CCSER1: variants seen among roughly 807,000 people sequenced by gnomAD.
CCSER1 encodes the protein coiled-coil serine rich protein 1.
In CCSER1, 41 loss-of-function variants were observed where a neutral mutation model predicts 82.0. The observed-to-expected ratio is 0.50, with a 90% CI of 0.39 to 0.65. The LOEUF (loss-of-function observed/expected upper bound fraction) is 0.65, where lower values mean the gene tolerates loss of function less well. Ranked by LOEUF, CCSER1 falls within the 30% of genes least tolerant of loss-of-function variation. The pLI, the probability that CCSER1 is intolerant of heterozygous loss-of-function variation, is 0.00. For synonymous variants in CCSER1, 414 were observed against 383.9 expected, an observed-to-expected ratio of 1.08 and a Z score of -0.92; for missense variants, 1,119 against 1,064.2, an observed-to-expected ratio of 1.05 and a Z score of -0.72.
intron 10 of CCSER1, among the ~76,000 whole-genome samples, chr4:91,273,078 G>A (rs7697925): frequency 0.12 from 17,965 of 151,832 alleles, 1,105 homozygotes; most frequent in African/African-American, 0.14. Context: ...GGCTATGCTG[G>A]CTCTTTTTTT....
At chr4:91,379,684 T>G (rs1750720508) in intron 10 of CCSER1, among the ~76,000 whole-genome samples, 1 of 152,174 alleles carries the variant, frequency 6.6e-6, no homozygotes, top group African/African-American at 2.4e-5. Flanking sequence ...TTTGTTGATC[T>G]TTTCAAAAAA....
chr4:90,888,169 A>G (rs1580940446), intron 8 of CCSER1, among the ~76,000 whole-genome samples: 1 of 152,312 alleles, frequency 6.6e-6, no homozygotes, highest in East Asian at 1.9e-4. Context: ...CTTGAAAATA[A>G]CTTAATGCTA....
intron 10 of CCSER1, among the ~76,000 whole-genome samples, chr4:91,327,188 T>C (rs925202548): frequency 2.0e-5 from 3 of 152,188 alleles, no homozygotes. Flanking sequence ...ACTTCCCTAG[T>C]AGAGTTTCTC....
At chr4:91,051,399 G>A (rs1230423749) in intron 9 of CCSER1, among the ~76,000 whole-genome samples, 1 of 152,036 alleles carries the variant, frequency 6.6e-6, no homozygotes, top group Non-Finnish European at 1.5e-5. Flanking sequence ...TGCTATTGGG[G>A]ATGCTTGAAA....
chr4:90,648,317 G>GAAAGAAAGAA, intron 6 of CCSER1, among the ~76,000 whole-genome samples: 1 of 150,914 alleles, frequency 6.6e-6, no homozygotes, highest in East Asian at 1.9e-4. Context: ...AAGAAAGAAA[G>GAAAGAAAGAA]AAAGAAAGAA....
chr4:90,820,324 A>C (rs559972324), intron 8 of CCSER1, among the ~76,000 whole-genome samples: 4 of 152,284 alleles, frequency 2.6e-5, no homozygotes, highest in Non-Finnish European at 4.4e-5. Context: ...AGACTGGATA[A>C]TTTATGGTAA....
chr4:90,703,801 CT>C (rs1738695855), intron 6 of CCSER1, among the ~76,000 whole-genome samples: 1 of 151,906 alleles, frequency 6.6e-6, no homozygotes, highest in Admixed American at 6.6e-5. Context: ...GCAACCCCCA[CT>C]TTTTTTTGTT....
intron 10 of CCSER1, among the ~76,000 whole-genome samples, chr4:91,154,932 A>C (rs1007237409): frequency 6.6e-6 from 1 of 151,944 alleles, no homozygotes; most frequent in Admixed American, 6.6e-5. Context: ...CCACCTTTCT[A>C]AAATCACATA....
At chr4:91,103,857 G>A (rs568654715) in intron 10 of CCSER1, among the ~76,000 whole-genome samples, 7 of 151,970 alleles carry the variant, frequency 4.6e-5, no homozygotes, top group Admixed American at 2.0e-4. Flanking sequence ...CTGCGGGGTC[G>A]GGCAAAAAGA....
At chr4:90,166,079 C>T (rs955986240) in intron 1 of CCSER1, among the ~76,000 whole-genome samples, 5 of 151,944 alleles carry the variant, frequency 3.3e-5, no homozygotes, top group African/African-American at 9.7e-5. Context: ...GAAAGTGATA[C>T]GAACTGAGTA....
chr4:90,430,961 T>C (rs1758192850), intron 4 of CCSER1, among the ~76,000 whole-genome samples: 1 of 151,974 alleles, frequency 6.6e-6, no homozygotes, highest in Non-Finnish European at 1.5e-5. Flanking sequence ...CAGAACCCTT[T>C]GAGCTAATTT....
chr4:90,670,175 AC>A lies in CCSER1; in HGVS notation c.1932+41944del, dbSNP rs1732538470. Among the ~76,000 whole-genome samples the A allele has an allele frequency of 2.6e-5, 4 of 152,290 alleles. No homozygotes were observed. The South Asian group carries it at 8.3e-4, about 32-fold the overall frequency. On this transcript the variant is annotated intron_variant, in intron 6 of 10. Coordinates refer to ENST00000509176, the MANE Select transcript of CCSER1 (RefSeq NM_001145065.2). ...AATCTATTAAAGTCTCGAATTGAATACTAAAGATGCCAAGTTTAAGAAAATG... is the reference window on the plus strand; with the variant it reads ...AATCTATTAAAGTCTCGAATTGAATATAAAGATGCCAAGTTTAAGAAAATG...
intron 7 of CCSER1, among the ~76,000 whole-genome samples, chr4:90,788,809 T>C (rs1475351177): frequency 2.6e-5 from 4 of 152,210 alleles, no homozygotes; most frequent in Non-Finnish European, 5.9e-5. Context: ...TATCATTGAC[T>C]GACTCACTGT....
chr4:91,527,091 T>C (rs1417532891), intron 10 of CCSER1, among the ~76,000 whole-genome samples: 2 of 152,188 alleles, frequency 1.3e-5, no homozygotes, highest in Non-Finnish European at 2.9e-5. Flanking sequence ...GGAAGCAATG[T>C]GTTAATGCAT....
chr4:91,060,871 T>C (rs781166029), intron 9 of CCSER1, among the ~76,000 whole-genome samples: 2 of 152,106 alleles, frequency 1.3e-5, no homozygotes, highest in Non-Finnish European at 2.9e-5. Flanking sequence ...ACTTTGTTTT[T>C]CACTGGCCAA....
chr4:90,350,920 A>T (rs2153511864), intron 3 of CCSER1, among the ~76,000 whole-genome samples: 1 of 152,284 alleles, frequency 6.6e-6, no homozygotes, highest in Admixed American at 6.5e-5. Context: ...AAATCTAAAA[A>T]TTTAGTTAAT....
chr4:90,412,554 C>T (rs984030497), intron 4 of CCSER1, among the ~76,000 whole-genome samples: 1 of 148,520 alleles, frequency 6.7e-6, no homozygotes, highest in African/African-American at 2.5e-5. Context: ...AAAGATAATC[C>T]ATGATGATCA....
chr4:90,153,735 T>C (rs1727393849), intron 1 of CCSER1, among the ~76,000 whole-genome samples: 1 of 152,214 alleles, frequency 6.6e-6, no homozygotes, highest in Non-Finnish European at 1.5e-5. Flanking sequence ...ATGGGTTTAT[T>C]TTTTTCTTGT....
At chr4:91,177,227 T>C (rs1187765438) in intron 10 of CCSER1, among the ~76,000 whole-genome samples, 7 of 152,200 alleles carry the variant, frequency 4.6e-5, no homozygotes, top group African/African-American at 1.7e-4. Flanking sequence ...TTGCCAGTAT[T>C]TTATTGAGGA....
Sources: gnomAD v4.1 joint callset for allele counts (sites outside exome capture counted in the v4.1 genomes callset) on GRCh38, gnomAD v4.1.1 for gene constraint, MANE v1.5 for transcripts, NCBI Gene and HGNC (gene_info 2026-07-23, HGNC 2026-07-21) for gene names.